The following OR10G7 variants were observed in gnomAD, a reference collection of about 807,000 sequenced individuals.
The protein encoded by OR10G7 is olfactory receptor 10G7.
For missense variants in OR10G7, 338 were observed against 382.1 expected, an observed-to-expected ratio of 0.88 and a Z score of 0.96; for synonymous variants, 165 against 167.4, an observed-to-expected ratio of 0.99 and a Z score of 0.11.
In OR10G7 at chr11:124,036,329, T is replaced by C. The variant is rs531948591; in HGVS notation, c.*1737A>G. 6.6e-6 allele frequency: 1 copy of C among 152,364 alleles called. No individual in the cohort carries two copies. The highest frequency in any genetic ancestry group is 6.5e-5 in the Admixed American group (1 of 15,298). The allele number at this position is 152,364 out of a possible 1,614,324, so 9.4% of individuals were successfully genotyped here. Reference sequence around the variant, plus strand: ...TCAAAATGGTTGTGTGTGATACATATTGCCATAGTATTTTGAATCCTTTAG... The same window carrying C: ...TCAAAATGGTTGTGTGTGATACATACTGCCATAGTATTTTGAATCCTTTAG... On this transcript the variant is annotated 3_prime_UTR_variant, in exon 2 of 2. Transcript: ENST00000641585.
rs1239296530 is a variant in OR10G7 at position 124,038,722 on chromosome 11, G to A, written c.280C>T (p.His94Tyr). Residue 94 changes from histidine to tyrosine, a missense_variant, in exon 2 of 2, where the codon CAC (histidine) becomes TAC (tyrosine). Physicochemically the swap from His to Tyr is moderately conservative, Grantham distance 83. Transcript: ENST00000641585. ...AAATAGAGCTGAGCCACGCAGCTGT[G>A]GAAGGAGATAGTCCTGCCGCTTGGG... ...VSPSGRTISF[H>Y]SCVAQLYFFH... is the part of the protein sequence containing the mutation. 8 of 1,613,934 alleles carry A rather than the reference G, an allele frequency of 5.0e-6. No homozygotes were observed. The highest frequency in any genetic ancestry group is 1.7e-5 in the Admixed American group (1 of 60,014).
chr11:124,038,588 G>A lies in OR10G7; in HGVS notation c.414C>T (p.Arg138=). 6.2e-7 allele frequency: 1 copy of A among 1,613,936 alleles called. No individual in the cohort carries two copies. Among genetic ancestry groups the A allele is most frequent in the Non-Finnish European group, 8.5e-7 (1 of 1,179,946 alleles). Residue 138 remains arginine (R), a synonymous_variant, in exon 2 of 2, where the codon CGC becomes CGT. Coordinates refer to ENST00000641585, the MANE Select transcript of OR10G7 (RefSeq NM_001004463.2). ...TGCCGGTGGCCAGGAGGGCACACGA[G>A]CGCCCAGTCATCATGTTGGTGTACC... ...PLRYTNMMTG[R]SCALLATGTW...
Position 124,037,553 on chromosome 11 carries a change from A to C in OR10G7, c.*513T>G, listed in dbSNP as rs904527762. On this transcript the variant is annotated 3_prime_UTR_variant, in exon 2 of 2. Coordinates refer to ENST00000641585, the MANE Select transcript of OR10G7 (RefSeq NM_001004463.2). ...AATATTAAAGAGTTATATGGTTTTT[A>C]TTGGCCCATGAATGTGAATAAAGCC... is the stretch of plus-strand genomic sequence containing the variant. The C allele has an allele frequency of 6.6e-6, 1 of 152,114 alleles. No individual in the cohort carries two copies. Among genetic ancestry groups the C allele is most frequent in the Non-Finnish European group, 1.5e-5 (1 of 68,042 alleles). 9.4% of individuals were successfully genotyped at this position (152,114 alleles called of 1,614,324 possible).
intron 1 of OR10G7, among the ~76,000 whole-genome samples, chr11:124,040,416 C>G (rs1864233027): frequency 6.6e-6 from 1 of 151,470 alleles, no homozygotes; most frequent in African/African-American, 2.4e-5. Flanking sequence ...ACACAATGTC[C>G]CAGACATTAT....
rs749701097 is a variant in OR10G7 at position 124,036,971 on chromosome 11, TA to T, written c.*1094del. The T allele has an allele frequency of 5.4e-4, 82 of 152,362 alleles. No individual in the cohort carries two copies. The highest frequency in any genetic ancestry group is 9.8e-4 in the Non-Finnish European group (67 of 68,036). The allele number at this position is 152,362 out of a possible 1,614,324, so 9.4% of individuals were successfully genotyped here. A position where few individuals can be genotyped will look rare whatever the true frequency, so the allele number is the denominator to read the frequency against. Reference sequence around the variant, plus strand: ...CTTTTCAGTTCTAGCAGCTGCCTTCTAGTTTTCTTTTACTCTTCATGCTATG... The same window carrying T: ...CTTTTCAGTTCTAGCAGCTGCCTTCTGTTTTCTTTTACTCTTCATGCTATG... On this transcript the variant is annotated 3_prime_UTR_variant, in exon 2 of 2. Coordinates refer to ENST00000641585, the MANE Select transcript of OR10G7 (RefSeq NM_001004463.2).
chr11:124,037,960 A>T lies in OR10G7; in HGVS notation c.*106T>A. 2.7e-6 allele frequency: 2 copies of T among 736,370 alleles called. No individual in the cohort carries two copies. The highest frequency in any genetic ancestry group is 4.2e-6 in the Non-Finnish European group (2 of 476,152). The allele number at this position is 736,370 out of a possible 1,614,324, so 45.6% of individuals were successfully genotyped here. ...TTAATTAACTGTCCAATTAAAAATT[A>T]AGACTGAATAATTGAAATGCTCCAT... is the stretch of plus-strand genomic sequence containing the variant. On this transcript the variant is annotated 3_prime_UTR_variant, in exon 2 of 2. Coordinates refer to ENST00000641585, the MANE Select transcript of OR10G7 (RefSeq NM_001004463.2).
Position 124,038,399 on chromosome 11 carries a change from A to G in OR10G7, c.603T>C (p.Asn201=), listed in dbSNP as rs747457854. The G allele has an allele frequency of 2.8e-4, 458 of 1,613,800 alleles. 3 individuals carry two copies. The highest frequency in any genetic ancestry group is 2.2e-3 in the African/African-American group (165 of 74,966). ...AGCAGCCCGAGGCCACTAGCCCAATATTCACAAAGATGACCATCTCGTTGG... is the reference window on the plus strand; with the variant it reads ...AGCAGCCCGAGGCCACTAGCCCAATGTTCACAAAGATGACCATCTCGTTGG... ...TSANEMVIFV[N]IGLVASGCFV... Residue 201 remains asparagine, a synonymous_variant, in exon 2 of 2, where the codon AAT becomes AAC. Coordinates refer to ENST00000641585, the MANE Select transcript of OR10G7 (RefSeq NM_001004463.2).
At position 124,036,582 on chromosome 11, in the gene OR10G7, G is replaced by C. The variant is rs768528245; in HGVS notation, c.*1484C>G. 3 of 152,168 alleles carry C rather than the reference G, an allele frequency of 2.0e-5. No homozygotes were observed. Among genetic ancestry groups the C allele is most frequent in the African/African-American group, 7.2e-5 (3 of 41,446 alleles). 9.4% of individuals were successfully genotyped at this position (152,168 alleles called of 1,614,324 possible). On this transcript the variant is annotated 3_prime_UTR_variant, in exon 2 of 2. Coordinates refer to ENST00000641585, the MANE Select transcript of OR10G7 (RefSeq NM_001004463.2). ...GTAATGGTAAGTTAGATATAACAGC[G>C]TGATGTTACAGAGAAGTGTAAGAAT...
chr11:124,037,984 A>G lies in OR10G7; in HGVS notation c.*82T>C, dbSNP rs577945532. On this transcript the variant is annotated 3_prime_UTR_variant, in exon 2 of 2. Transcript: ENST00000641585. ...TAAGACTGAATAATTGAAATGCTCC[A>G]TTCAAGTATAATGCTTATGTTGAAG... The G allele has an allele frequency of 2.6e-4, 226 of 882,424 alleles. No individual in the cohort carries two copies. The East Asian group carries it at 5.8e-3, about 23-fold the overall frequency. 54.7% of individuals were successfully genotyped at this position (882,424 alleles called of 1,614,324 possible).
In OR10G7 at chr11:124,038,522, T is replaced by C. The variant is rs1484701525; in HGVS notation, c.480A>G (p.Ile160Met). Residue 160 changes from isoleucine (I) to methionine (M), a missense_variant, in exon 2 of 2, where the codon ATA (isoleucine) becomes ATG (methionine). Physicochemically the swap from Ile to Met is conservative, Grantham distance 10 (BLOSUM62 1). Coordinates refer to ENST00000641585, the MANE Select transcript of OR10G7 (RefSeq NM_001004463.2). ...SGSLHSAVQTILTFHLPYCGP... is the reference protein window; with the variant it reads ...SGSLHSAVQTMLTFHLPYCGP... ...CACAGTAGGGCAAATGGAAAGTCAA[T>C]ATGGTCTGGACAGCAGAGTGCAGAG... 9.3e-6 allele frequency: 15 copies of C among 1,613,438 alleles called. No homozygotes were observed. Among genetic ancestry groups the C allele is most frequent in the Non-Finnish European group, 1.3e-5 (15 of 1,179,806 alleles).
In OR10G7 at chr11:124,040,980, A is replaced by C. The variant is rs1333677461; in HGVS notation, c.-115T>G. 1.3e-5 allele frequency: 2 copies of C among 152,174 alleles called. No homozygotes were observed. Among genetic ancestry groups the C allele is most frequent in the African/African-American group, 2.4e-5 (1 of 41,416 alleles). The allele number at this position is 152,174 out of a possible 1,614,324, so 9.4% of individuals were successfully genotyped here. A position where few individuals can be genotyped will look rare whatever the true frequency, so the allele number is the denominator to read the frequency against. The stretch of plus-strand genomic sequence containing the variant: ...AGTGGTATAATTTTTCTTTTCTTGC[A>C]AAGATGAAACCACAGAAGAAACTCT... On this transcript the variant is annotated 5_prime_UTR_variant, in exon 1 of 2. Transcript: ENST00000641585.
Position 124,038,367 on chromosome 11 carries a change from A to T in OR10G7, c.635T>A (p.Leu212Gln). The T allele has an allele frequency of 1.2e-6, 2 of 1,614,142 alleles. No individual in the cohort carries two copies. The highest frequency in any genetic ancestry group is 1.3e-5 in the African/African-American group (1 of 74,998). ...GATGGACACATAGGACAGCACTATC[A>T]GGACAAAGCAGCCCGAGGCCACTAG... ...IGLVASGCFV[L>Q]IVLSYVSIVC... Residue 212 changes from leucine (L) to glutamine (Q), a missense_variant, in exon 2 of 2, where the codon CTG becomes CAG. By Grantham distance (113) the Leu-to-Gln change is moderately radical. Transcript: ENST00000641585.
At position 124,037,964 on chromosome 11, in the gene OR10G7, C is replaced by A; in HGVS notation, c.*102G>T. ...TTAACTGTCCAATTAAAAATTAAGACTGAATAATTGAAATGCTCCATTCAA... is the reference window on the plus strand; with the variant it reads ...TTAACTGTCCAATTAAAAATTAAGAATGAATAATTGAAATGCTCCATTCAA... On this transcript the variant is annotated 3_prime_UTR_variant, in exon 2 of 2. Coordinates refer to ENST00000641585, the MANE Select transcript of OR10G7 (RefSeq NM_001004463.2). 1 of 754,282 alleles carries A rather than the reference C, an allele frequency of 1.3e-6. No individual in the cohort carries two copies. The highest frequency in any genetic ancestry group is 2.0e-6 in the Non-Finnish European group (1 of 492,354). The allele number at this position is 754,282 out of a possible 1,614,324, so 46.7% of individuals were successfully genotyped here.
chr11:124,039,017 G>A lies in OR10G7; in HGVS notation c.-16C>T, dbSNP rs754071524. On this transcript the variant is annotated 5_prime_UTR_variant, in exon 2 of 2. Transcript: ENST00000641585. ...CGTTGGACATTTCTTCTCATATATG[G>A]GGCTCTGTTCTTACAGAAAGGAAGG... 5.0e-6 allele frequency: 8 copies of A among 1,609,612 alleles called. No homozygotes were observed. In the East Asian group the frequency reaches 1.3e-4, roughly 27 times the overall value.
chr11:124,038,172 G>C lies in OR10G7; in HGVS notation c.830C>G (p.Thr277Arg). Residue 277 changes from threonine to arginine, a missense_variant, in exon 2 of 2, where the codon ACG becomes AGG. Physicochemically the swap from Thr to Arg is moderately conservative, Grantham distance 71. Coordinates refer to ENST00000641585, the MANE Select transcript of OR10G7 (RefSeq NM_001004463.2). ...AACAGGGTTGAAAAGAGGAGTCAGC[G>C]TGGTGTAGAAAACGGCCACAACCCC... ...LHGVVAVFYTTLTPLFNPVVY... is the reference protein window; with the variant it reads ...LHGVVAVFYTRLTPLFNPVVY... 5 of 1,613,940 alleles carry C rather than the reference G, an allele frequency of 3.1e-6. No individual in the cohort carries two copies. Among genetic ancestry groups the C allele is most frequent in the Non-Finnish European group, 4.2e-6 (5 of 1,179,956 alleles).
chr11:124,039,105 G>T, intron 1 of OR10G7, 84 bp from the exon 2 acceptor site: 1 of 1,290,318 alleles, frequency 7.8e-7, no homozygotes, highest in Non-Finnish European at 1.1e-6. Context: ...TTCTGATTAA[G>T]AACAATAGGG....
At position 124,036,847 on chromosome 11, in the gene OR10G7, T is replaced by A. The variant is rs186909111; in HGVS notation, c.*1219A>T. 1.7e-4 allele frequency: 26 copies of A among 152,320 alleles called. No individual in the cohort carries two copies. In the East Asian group the frequency reaches 4.3e-3, roughly 25 times the overall value. The allele number at this position is 152,320 out of a possible 1,614,324, so 9.4% of individuals were successfully genotyped here. On this transcript the variant is annotated 3_prime_UTR_variant, in exon 2 of 2. Transcript: ENST00000641585. Reference sequence around the variant, plus strand: ...TTTTCTTCTCAATATCACCGCACAGTTTACTTGGAGCAAGATATGGAAAGT... The same window carrying A: ...TTTTCTTCTCAATATCACCGCACAGATTACTTGGAGCAAGATATGGAAAGT...
chr11:124,040,167 A>G (rs945972354), intron 1 of OR10G7, among the ~76,000 whole-genome samples: 2 of 152,186 alleles, frequency 1.3e-5, no homozygotes, highest in Admixed American at 6.5e-5. Context: ...AAGTATGATC[A>G]AATAATCTCA....
At position 124,038,418 on chromosome 11, in the gene OR10G7, T is replaced by A. The variant is rs200190231; in HGVS notation, c.584A>T (p.Glu195Val). 16 of 1,613,804 alleles carry A rather than the reference T, an allele frequency of 9.9e-6. No individual in the cohort carries two copies. Among genetic ancestry groups the A allele is most frequent in the East Asian group, 4.5e-5 (2 of 44,890 alleles). Residue 195 changes from glutamate to valine, a missense_variant, in exon 2 of 2, where the codon GAG becomes GTG. Coordinates refer to ENST00000641585, the MANE Select transcript of OR10G7 (RefSeq NM_001004463.2). ...KLACADTSAN[E>V]MVIFVNIGLV... ...CCCAATATTCACAAAGATGACCATC[T>A]CGTTGGCTGAGGTGTCTGCACAGGC... is the stretch of plus-strand genomic sequence containing the variant.
Sources: allele counts gnomAD v4.1 joint callset (sites outside exome capture counted in the v4.1 genomes callset), GRCh38; gene constraint gnomAD v4.1.1; transcripts MANE v1.5; gene names NCBI Gene and HGNC (gene_info 2026-07-23, HGNC 2026-07-21).